MDGA2: variants seen among roughly 807,000 people sequenced by gnomAD.
The protein encoded by MDGA2 is MAM domain containing glycosylphosphatidylinositol anchor 2.
In MDGA2, 40 loss-of-function variants were observed where a neutral mutation model predicts 117.8. The ratio of observed to expected loss-of-function variants is 0.34; its 90% CI spans 0.26 to 0.44. The LOEUF (loss-of-function observed/expected upper bound fraction) is 0.44. Ranked by LOEUF, MDGA2 falls within the 20% of genes least tolerant of loss-of-function variation. The pLI, the probability that MDGA2 is intolerant of heterozygous loss-of-function variation, is 1.00. For synonymous variants in MDGA2, 452 were observed against 439.0 expected (o/e 1.03, Z -0.37); for missense variants, 1,123 against 1,250.6 (o/e 0.90, Z 1.54).
chr14:47,347,758 C>G (rs1283356150), intron 1 of MDGA2, among the ~76,000 whole-genome samples: 1 of 152,046 alleles, frequency 6.6e-6, no homozygotes, highest in Non-Finnish European at 1.5e-5. Flanking sequence ...GTGTAGGAAG[C>G]AGCAGAAGAA....
intron 9 of MDGA2, among the ~76,000 whole-genome samples, chr14:46,945,765 A>C (rs1885151275): frequency 6.6e-6 from 1 of 152,118 alleles, no homozygotes; most frequent in South Asian, 2.1e-4. Context: ...TCCCTCTCAC[A>C]GGAAATGCAG....
intron 5 of MDGA2, among the ~76,000 whole-genome samples, chr14:47,119,533 A>T (rs1881541638): frequency 1.3e-5 from 2 of 152,196 alleles, no homozygotes; most frequent in African/African-American, 4.8e-5. Context: ...TACAGTTCAC[A>T]GTATCATAAT....
At chr14:46,961,150 T>C (rs921597941) in intron 8 of MDGA2, among the ~76,000 whole-genome samples, 3 of 152,094 alleles carry the variant, frequency 2.0e-5, no homozygotes, top group Admixed American at 1.3e-4. Context: ...CCTTTGTCAT[T>C]GCTGTTCTGC....
At chr14:47,217,363 C>T (rs530341861) in intron 3 of MDGA2, among the ~76,000 whole-genome samples, 3 of 151,800 alleles carry the variant, frequency 2.0e-5, no homozygotes, top group East Asian at 3.9e-4. Flanking sequence ...TGCTTTGTTT[C>T]GGTGGGGAAT....
intron 9 of MDGA2, among the ~76,000 whole-genome samples, chr14:46,921,625 A>G (rs77372402): frequency 6.6e-6 from 1 of 151,956 alleles, no homozygotes; most frequent in African/African-American, 2.4e-5. Flanking sequence ...TCAAAAAAAA[A>G]AAAAGAAAAG....
intron 1 of MDGA2, among the ~76,000 whole-genome samples, chr14:47,425,056 G>A (rs956615036): frequency 6.6e-5 from 10 of 152,110 alleles, no homozygotes; most frequent in Admixed American, 5.9e-4. Context: ...AGCTCCCAAG[G>A]TAGACCTTCA....
At chr14:46,854,889 A>C in intron 15 of MDGA2, 135 bp downstream of exon 15, 1 of 749,120 alleles carries the variant, frequency 1.3e-6, no homozygotes, top group Non-Finnish European at 1.9e-6. Flanking sequence ...AACTAAAGCA[A>C]AACCTAATCA....
intron 1 of MDGA2, among the ~76,000 whole-genome samples, chr14:47,308,212 A>T (rs993903761): frequency 2.0e-5 from 3 of 152,180 alleles, no homozygotes. Flanking sequence ...CAGTAGGTCA[A>T]ATCAAGCTTG....
intron 8 of MDGA2, among the ~76,000 whole-genome samples, chr14:47,018,386 A>G (rs1234609109): frequency 6.6e-6 from 1 of 152,110 alleles, no homozygotes; most frequent in African/African-American, 2.4e-5. Context: ...TTCTGCAGAA[A>G]AAGGCTAATG....
intron 3 of MDGA2, among the ~76,000 whole-genome samples, chr14:47,167,015 C>T (rs1883908678): frequency 1.3e-5 from 2 of 152,116 alleles, no homozygotes; most frequent in Non-Finnish European, 1.5e-5. Flanking sequence ...GGGCTTAGCA[C>T]TCAGAAAATT....
At chr14:46,898,794 G>A (rs558365318) in intron 10 of MDGA2, among the ~76,000 whole-genome samples, 9 of 152,022 alleles carry the variant, frequency 5.9e-5, no homozygotes, top group African/African-American at 1.9e-4. Flanking sequence ...TTTCATTAAG[G>A]TCAGACAACT....
intron 1 of MDGA2, among the ~76,000 whole-genome samples, chr14:47,525,346 T>C (rs113532304): frequency 0.024 from 3,659 of 152,286 alleles, 58 homozygotes; most frequent in Non-Finnish European, 0.038. Flanking sequence ...TCTCTACTTT[T>C]TCAGTCACTT....
intron 1 of MDGA2, among the ~76,000 whole-genome samples, chr14:47,476,920 G>C (rs1893853756): frequency 6.6e-6 from 1 of 152,182 alleles, no homozygotes; most frequent in African/African-American, 2.4e-5. Flanking sequence ...CCAGCACTTT[G>C]GGAGGCCGAG....
chr14:47,134,902 G>A (rs1028657441), intron 4 of MDGA2, among the ~76,000 whole-genome samples: 1 of 151,682 alleles, frequency 6.6e-6, no homozygotes, highest in Non-Finnish European at 1.5e-5. Context: ...ATGATTCTCA[G>A]ATATAAACAA....
intron 1 of MDGA2, among the ~76,000 whole-genome samples, chr14:47,329,180 C>T (rs1166805169): frequency 2.6e-5 from 4 of 152,036 alleles, no homozygotes; most frequent in Non-Finnish European, 5.9e-5. Context: ...GATCTTCCTG[C>T]CTTGGCCCCT....
chr14:47,172,634 C>T (rs7158790), intron 3 of MDGA2, among the ~76,000 whole-genome samples: 76,291 of 151,862 alleles, frequency 0.5, 20,352 homozygotes, highest in African/African-American at 0.7. Flanking sequence ...ACATCCACAC[C>T]AAAAACCCAT....
At chr14:47,367,126 A>T (rs1167804051) in intron 1 of MDGA2, among the ~76,000 whole-genome samples, 5 of 152,176 alleles carry the variant, frequency 3.3e-5, no homozygotes, top group Non-Finnish European at 5.9e-5. Flanking sequence ...TAACTGAGCT[A>T]TCTTAATTAT....
chr14:47,583,844 CT>C (rs1896272973), intron 1 of MDGA2, among the ~76,000 whole-genome samples: 2 of 151,702 alleles, frequency 1.3e-5, no homozygotes, highest in South Asian at 4.1e-4. Context: ...TTAGTCGTCC[CT>C]TTAGTCTTTT....
chr14:46,845,841 T>A lies in MDGA2; in HGVS notation c.2914A>T (p.Ile972Leu). ...LIFEGIRGPG[I>L]EGDIAIDDVS... ...TCATCAATAGCAATGTCACCTTCTATTCCAGGACCTCGGATACCTTCAAAA... is the reference window on the plus strand; with the variant it reads ...TCATCAATAGCAATGTCACCTTCTAATCCAGGACCTCGGATACCTTCAAAA... Residue 972 changes from isoleucine (I) to leucine (L), a missense_variant, in exon 16 of 17, where the codon ATA (isoleucine) becomes TTA (leucine). Ile to Leu is a conservative substitution (Grantham distance 5). Transcript: ENST00000399232. 1.2e-6 allele frequency: 2 copies of A among 1,613,444 alleles called. No individual in the cohort carries two copies. Among genetic ancestry groups the A allele is most frequent in the Non-Finnish European group, 1.7e-6 (2 of 1,179,578 alleles).
Sources: gnomAD v4.1 joint callset for allele counts (sites outside exome capture counted in the v4.1 genomes callset) on GRCh38, gnomAD v4.1.1 for gene constraint, MANE v1.5 for transcripts, NCBI Gene and HGNC (gene_info 2026-07-23, HGNC 2026-07-21) for gene names.